The following ARHGAP26 variants were observed in gnomAD, a reference collection of about 807,000 sequenced individuals.
ARHGAP26 encodes the protein Rho GTPase activating protein 26, also known as rho GTPase-activating protein 26.
ARHGAP26 carries 38 observed loss-of-function variants against 104.8 expected under a neutral mutation model. The ratio of observed to expected loss-of-function variants is 0.36; its 90% CI spans 0.28 to 0.48. The LOEUF (loss-of-function observed/expected upper bound fraction) is 0.48. ARHGAP26 is among the 20% of genes least tolerant of loss of function. The pLI is 0.99. For missense variants in ARHGAP26, 704 were observed against 947.9 expected (o/e 0.74, Z 3.38); for synonymous variants, 341 against 340.0 (o/e 1.00, Z -0.03).
intron 1 of ARHGAP26, among the ~76,000 whole-genome samples, chr5:142,863,289 G>C (rs1422702406): frequency 6.6e-6 from 1 of 151,934 alleles, no homozygotes; most frequent in African/African-American, 2.4e-5. Flanking sequence ...TTTTGTATTA[G>C]CCAGAGACAG....
intron 1 of ARHGAP26, among the ~76,000 whole-genome samples, chr5:142,811,742 C>T (rs151107337): frequency 4.1e-3 from 626 of 152,308 alleles, no homozygotes; most frequent in Non-Finnish European, 7.0e-3. Flanking sequence ...CAATGCCTGG[C>T]GTGCAGCTAT....
intron 1 of ARHGAP26, among the ~76,000 whole-genome samples, chr5:142,825,774 TAGAGACTCC>T (rs1388423505): frequency 1.3e-5 from 2 of 152,284 alleles, no homozygotes; most frequent in African/African-American, 4.8e-5. Flanking sequence ...TTCTGTCCAG[TAGAGACTCC>T]AGATCAGAGA....
rs1045219254 is a variant in ARHGAP26, at chr5:143,020,844, G to A, written c.1144+6728G>A. ...TTTAGTAGAGACAGGGTTTCACCGT[G>A]TTAGCCAGGATGGTCTCGATCTGCT... is the stretch of plus-strand genomic sequence containing the variant. On this transcript the variant is annotated intron_variant, in intron 12 of 22. Coordinates refer to ENST00000645722, the MANE Select transcript of ARHGAP26 (RefSeq NM_001135608.3). Among the ~76,000 whole-genome samples the A allele has an allele frequency of 2.6e-4, 39 of 152,158 alleles. 2 individuals are homozygous for A. In the Middle Eastern group the frequency reaches 0.037, roughly 146 times the overall value.
chr5:142,871,907 T>C lies in ARHGAP26; in HGVS notation c.155-1493T>C, dbSNP rs943466116. ...CCTTCTCCACCCCAAGTGCCTTCTT[T>C]TGGTGTAGAGCAGAGCGCTTTGGAC... On this transcript the variant is annotated intron_variant, in intron 1 of 22. Transcript: ENST00000645722. This position sits in a 1 kb window ranked among gnomAD's most constrained non-coding sequence, Gnocchi z 4.1. Among the ~76,000 whole-genome samples the C allele has an allele frequency of 3.3e-5, 5 of 152,200 alleles. No homozygotes were observed. The East Asian group carries it at 7.7e-4, about 23-fold the overall frequency.
At chr5:142,981,257 T>C (rs2152729847) in intron 11 of ARHGAP26, among the ~76,000 whole-genome samples, 1 of 152,370 alleles carries the variant, frequency 6.6e-6, no homozygotes, top group South Asian at 2.1e-4. Context: ...TAATTCACTT[T>C]CTAATCTTAT....
intron 17 of ARHGAP26, among the ~76,000 whole-genome samples, chr5:143,066,121 A>G (rs1407802798): frequency 6.6e-6 from 1 of 152,140 alleles, no homozygotes; most frequent in South Asian, 2.1e-4. Flanking sequence ...TTTACTCTAT[A>G]GTTTCTATGT....
chr5:142,957,720 T>G (rs1326331923), intron 11 of ARHGAP26, among the ~76,000 whole-genome samples: 2 of 152,254 alleles, frequency 1.3e-5, no homozygotes, highest in Non-Finnish European at 2.9e-5. Flanking sequence ...TAGAAAGTGC[T>G]CCTGCACTCT....
intron 17 of ARHGAP26, among the ~76,000 whole-genome samples, chr5:143,089,923 T>C (rs56967719): frequency 0.078 from 11,824 of 152,248 alleles, 768 homozygotes; most frequent in East Asian, 0.22. Context: ...GGATAGCCAA[T>C]TGGACTAAAG....
chr5:142,773,937 C>G (rs1477552273), intron 1 of ARHGAP26, among the ~76,000 whole-genome samples: 2 of 152,188 alleles, frequency 1.3e-5, no homozygotes, highest in Non-Finnish European at 2.9e-5. Context: ...TAAAGCCTGT[C>G]ACCCTTTTGT....
At chr5:143,119,177 T>C (rs975062538) in intron 17 of ARHGAP26, among the ~76,000 whole-genome samples, 4 of 152,200 alleles carry the variant, frequency 2.6e-5, no homozygotes, top group African/African-American at 9.6e-5. Flanking sequence ...TAGGAGGCTG[T>C]TACTTTAGTC....
intron 17 of ARHGAP26, among the ~76,000 whole-genome samples, chr5:143,086,086 G>C (rs2150485054): frequency 6.6e-6 from 1 of 152,238 alleles, no homozygotes; most frequent in Non-Finnish European, 1.5e-5. Flanking sequence ...GCTAATGGTG[G>C]CTTCTATCAC....
intron 11 of ARHGAP26, among the ~76,000 whole-genome samples, chr5:143,004,589 G>C (rs1160561416): frequency 6.6e-6 from 1 of 152,168 alleles, no homozygotes; most frequent in Non-Finnish European, 1.5e-5. Flanking sequence ...AAGAGCTCCT[G>C]TCAGTCATTT....
intron 1 of ARHGAP26, among the ~76,000 whole-genome samples, chr5:142,787,051 A>G (rs1325335638): frequency 6.6e-6 from 1 of 152,168 alleles, no homozygotes; most frequent in African/African-American, 2.4e-5. Flanking sequence ...ATCTAGGTGA[A>G]CAGCACTGTC....
chr5:142,789,296 C>T (rs1759307535), intron 1 of ARHGAP26, among the ~76,000 whole-genome samples: 1 of 152,188 alleles, frequency 6.6e-6, no homozygotes, highest in South Asian at 2.1e-4. Flanking sequence ...TCTCTGCTGT[C>T]TCTACATCTG....
intron 1 of ARHGAP26, among the ~76,000 whole-genome samples, chr5:142,834,175 C>T (rs2152127617): frequency 6.6e-6 from 1 of 152,314 alleles, no homozygotes; most frequent in Middle Eastern, 3.4e-3. Context: ...GTAAGCTTAG[C>T]ATGTATCCAG....
chr5:142,954,584 C>T (rs769308475), intron 11 of ARHGAP26, among the ~76,000 whole-genome samples: 2 of 152,230 alleles, frequency 1.3e-5, no homozygotes, highest in African/African-American at 2.4e-5. Flanking sequence ...AGCATCTCTA[C>T]ACCCTCCCCT....
intron 22 of ARHGAP26, 100 bp from the exon 23 acceptor site, chr5:143,222,258 C>T (rs1599586614): frequency 7.2e-6 from 1 of 138,566 alleles, no homozygotes; most frequent in Non-Finnish European, 1.0e-5. Flanking sequence ...CACACACACA[C>T]ACACACACAC....
At chr5:142,993,319 G>A (rs989995682) in intron 11 of ARHGAP26, among the ~76,000 whole-genome samples, 5 of 151,922 alleles carry the variant, frequency 3.3e-5, no homozygotes, top group East Asian at 1.9e-4. Context: ...ACAGGCGCCC[G>A]CCACCGCGCC....
intron 1 of ARHGAP26, 92 bp from the exon 2 acceptor site, chr5:142,873,307 TA>T: frequency 1.1e-6 from 1 of 874,042 alleles, no homozygotes; most frequent in Non-Finnish European, 1.8e-6. Flanking sequence ...ATCCGCCTCC[TA>T]AGATATTCCT....
Sources: allele counts gnomAD v4.1 joint callset (sites outside exome capture counted in the v4.1 genomes callset), GRCh38; gene constraint gnomAD v4.1.1; non-coding constraint Gnocchi (gnomAD v3.1); transcripts MANE v1.5; gene names NCBI Gene and HGNC (gene_info 2026-07-23, HGNC 2026-07-21).